The following COL4A3 variants were observed in gnomAD, a reference collection of about 807,000 sequenced individuals.
COL4A3 encodes collagen alpha-3(IV) chain.
COL4A3 carries 135 observed loss-of-function variants against 217.4 expected under a neutral mutation model. That is an observed-to-expected ratio of 0.62 (90% CI 0.54 to 0.72). COL4A3 has a LOEUF of 0.72. COL4A3 is among the 30% of genes least tolerant of loss of function. COL4A3 has a pLI of 0.00. For synonymous variants in COL4A3, 690 were observed against 736.3 expected (o/e 0.94, Z 1.02); for missense variants, 1,868 against 2,119.9 (o/e 0.88, Z 2.33).
intron 37 of COL4A3, 48 bp downstream of exon 37, chr2:227,290,934 C>G: frequency 6.3e-7 from 1 of 1,579,018 alleles, no homozygotes; most frequent in Non-Finnish European, 8.6e-7. Context: ...GAGTGAGTGC[C>G]TTGAAAAATA....
At position 227,186,700 on chromosome 2, in the gene COL4A3, G is replaced by A. The variant is rs77020935; in HGVS notation, c.87+21887G>A. Among the ~76,000 whole-genome samples, 445 of 147,638 alleles carry A rather than the reference G, an allele frequency of 3.0e-3. 1 individual carries two copies. The highest frequency in any genetic ancestry group is 0.011 in the African/African-American group (432 of 39,880). ...GTGTAGATCATCTGTTTTTGAGGGG[G>A]TATTCTATCACATTAAATGTTCTTG... On this transcript the variant is annotated intron_variant, in intron 1 of 51. Coordinates refer to ENST00000396578, the MANE Select transcript of COL4A3 (RefSeq NM_000091.5).
chr2:227,238,282 GAGAAAA>G (rs1293512220), intron 2 of COL4A3: 40 of 317,888 alleles, frequency 1.3e-4, no homozygotes, highest in Admixed American at 3.8e-4. Context: ...AGTAGCAAAT[GAGAAAA>G]AGAAAAAGAA....
At chr2:227,206,628 G>C (rs1412206227) in intron 1 of COL4A3, among the ~76,000 whole-genome samples, 1 of 151,818 alleles carries the variant, frequency 6.6e-6, no homozygotes, top group Non-Finnish European at 1.5e-5. Context: ...TAACACCTGA[G>C]AACTTGTCAG....
At chr2:227,183,398 A>T (rs1002075294) in intron 1 of COL4A3, among the ~76,000 whole-genome samples, 2 of 152,170 alleles carry the variant, frequency 1.3e-5, no homozygotes, top group Admixed American at 1.3e-4. Flanking sequence ...GTGCTCAGGG[A>T]TATGTAAAAG....
chr2:227,193,759 A>G (rs796256923), intron 1 of COL4A3, among the ~76,000 whole-genome samples: 1,435 of 8,336 alleles, frequency 0.17, 92 homozygotes, highest in South Asian at 0.31. Context: ...GAAGGAAGGA[A>G]GGAAGGAAGG....
chr2:227,279,313 C>G (rs2071793682), intron 28 of COL4A3, among the ~76,000 whole-genome samples: 1 of 151,900 alleles, frequency 6.6e-6, no homozygotes, highest in African/African-American at 2.4e-5. Flanking sequence ...GTTTCTCCAT[C>G]TCCATGTTGG....
chr2:227,289,148 A>C lies in COL4A3; in HGVS notation c.2882-2A>C. ...TTGTTAATACCTGGTTTCTAACTTCAGGATTCGCAGGAAATCCAGGTGAGA... is the reference window on the plus strand; with the variant it reads ...TTGTTAATACCTGGTTTCTAACTTCCGGATTCGCAGGAAATCCAGGTGAGA... On this transcript the variant is annotated splice_acceptor_variant, in intron 34 of 51. Coordinates refer to ENST00000396578, the MANE Select transcript of COL4A3 (RefSeq NM_000091.5). LOFTEE classifies it high-confidence loss of function. The C allele has an allele frequency of 6.2e-7, 1 of 1,612,078 alleles. No individual in the cohort carries two copies. Among genetic ancestry groups the C allele is most frequent in the Non-Finnish European group, 8.5e-7 (1 of 1,178,904 alleles).
chr2:227,209,427 G>C (rs1048312119), intron 1 of COL4A3, among the ~76,000 whole-genome samples: 1 of 152,130 alleles, frequency 6.6e-6, no homozygotes, highest in Admixed American at 6.5e-5. Flanking sequence ...CTTCCCCAAC[G>C]GATTCCTTGT....
intron 50 of COL4A3, 61 bp downstream of exon 50, chr2:227,309,379 CTGGGT>C: frequency 1.5e-6 from 2 of 1,318,740 alleles, no homozygotes; most frequent in Non-Finnish European, 1.1e-6. Context: ...TTACATTGTG[CTGGGT>C]AAAATGTGAT....
At chr2:227,230,364 A>T (rs2068335900) in intron 1 of COL4A3, among the ~76,000 whole-genome samples, 1 of 152,182 alleles carries the variant, frequency 6.6e-6, no homozygotes, top group African/African-American at 2.4e-5. Flanking sequence ...AAAAGCCATA[A>T]TATTATTATT....
chr2:227,253,708 C>T lies in COL4A3; in HGVS notation c.765+70C>T, dbSNP rs2069947643. The T allele has an allele frequency of 3.1e-6, 4 of 1,289,440 alleles. No homozygotes were observed. Among genetic ancestry groups the T allele is most frequent in the Non-Finnish European group, 4.5e-6 (4 of 884,054 alleles). The allele number at this position is 1,289,440 out of a possible 1,614,324, so 79.9% of individuals were successfully genotyped here. A position where few individuals can be genotyped will look rare whatever the true frequency, so the allele number is the denominator to read the frequency against. On this transcript the variant is annotated intron_variant, in intron 13 of 51. Transcript: ENST00000396578. This position sits in a 1 kb window ranked among gnomAD's most constrained non-coding sequence, Gnocchi z 4.4. Reference sequence around the variant, plus strand: ...AGGATGAAGTCCTTGTGACCCTGCACCTCTTTTACAAGCTCTTGTTATCTA... The same window carrying T: ...AGGATGAAGTCCTTGTGACCCTGCATCTCTTTTACAAGCTCTTGTTATCTA...
chr2:227,294,882 C>T (rs2072952930), intron 39 of COL4A3, 82 bp from the exon 40 acceptor site: 1 of 1,058,252 alleles, frequency 9.4e-7, no homozygotes, highest in Admixed American at 1.7e-5. Context: ...CCCTGGTATT[C>T]CCATTAGGCC....
intron 1 of COL4A3, among the ~76,000 whole-genome samples, chr2:227,173,459 T>C (rs964802792): frequency 6.6e-6 from 1 of 152,204 alleles, no homozygotes; most frequent in Non-Finnish European, 1.5e-5. Context: ...AGCCTTTCCA[T>C]TCTTCCAGGT....
At chr2:227,295,435 A>C in intron 41 of COL4A3, 119 bp downstream of exon 41, 1 of 858,272 alleles carries the variant, frequency 1.2e-6, no homozygotes, top group African/African-American at 1.7e-5. Context: ...CAATAGTAAT[A>C]CAGGATATTT....
Position 227,244,966 on chromosome 2 carries a change from C to T in COL4A3, c.295C>T (p.Pro99Ser), listed in dbSNP as rs774434848. 3 of 1,612,522 alleles carry T rather than the reference C, an allele frequency of 1.9e-6. No individual in the cohort carries two copies. Among genetic ancestry groups the T allele is most frequent in the African/African-American group, 1.3e-5 (1 of 74,598 alleles). ...SKGVRGISGL[P>S]GFSGSPGLPG... Reference sequence around the variant, plus strand: ...ATGTCTTCAGGGAATAAGTGGATTGCCAGGATTTTCTGGTTCTCCTGGACT... The same window carrying T: ...ATGTCTTCAGGGAATAAGTGGATTGTCAGGATTTTCTGGTTCTCCTGGACT... The change falls in exon 5 of 52, where the codon CCA becomes TCA. Residue 99 changes from proline (P) to serine (S), a missense_variant. By Grantham distance (74) the Pro-to-Ser change is moderately conservative. This residue lies in a region of COL4A3 where 365 missense variants were observed against 333.8 expected (regional missense o/e 1.09). Transcript: ENST00000396578.
rs1385138582 is a variant in COL4A3, at chr2:227,303,902, A to G, written c.3999A>G (p.Pro1333=). 2.5e-6 allele frequency: 4 copies of G among 1,614,156 alleles called. No homozygotes were observed. The Admixed American group carries it at 5.0e-5, about 20-fold the overall frequency. The change falls in exon 45 of 52, where the codon CCA becomes CCG. Residue 1333 remains proline, a synonymous_variant. Transcript: ENST00000396578. Reference sequence around the variant, plus strand: ...GATTTCTAGGATCCATTGGACCTCCAGGACCAATTGGGCCAAAAGGACCAC... The same window carrying G: ...GATTTCTAGGATCCATTGGACCTCCGGGACCAATTGGGCCAAAAGGACCAC... The part of the protein sequence containing the change: ...NPGFLGSIGP[P]GPIGPKGPPG...
chr2:227,266,194 T>A (rs1320116571), intron 21 of COL4A3, among the ~76,000 whole-genome samples: 1 of 152,010 alleles, frequency 6.6e-6, no homozygotes, highest in African/African-American at 2.4e-5. Flanking sequence ...AAAAAAATTA[T>A]ACAATGAGCT....
intron 41 of COL4A3, among the ~76,000 whole-genome samples, chr2:227,297,041 C>T (rs2073057475): frequency 6.6e-6 from 1 of 152,150 alleles, no homozygotes; most frequent in South Asian, 2.1e-4. Flanking sequence ...TAGTATTAAC[C>T]TGTGACCTTT....
intron 19 of COL4A3, chr2:227,260,084 T>C: frequency 1.4e-6 from 1 of 732,366 alleles, no homozygotes; most frequent in South Asian, 1.4e-5. Flanking sequence ...AATTAAATTA[T>C]CTTTATGTAG....
Sources: gnomAD v4.1 joint callset for allele counts (sites outside exome capture counted in the v4.1 genomes callset) on GRCh38, gnomAD v4.1.1 for gene constraint, gnomAD v4.1.1 regional missense constraint, Gnocchi (gnomAD v3.1) non-coding constraint, MANE v1.5 for transcripts, NCBI Gene and HGNC (gene_info 2026-07-23, HGNC 2026-07-21) for gene names.